Variants in SLC38A12 observed in about 807,000 individuals in gnomAD.
SLC38A12 encodes putative sodium-coupled neutral amino acid transporter 12.
At chr17:74,794,478 C>G in the SLC38A12 span, among the ~76,000 whole-genome samples, 9 of 152,252 alleles carry the variant, frequency 5.9e-5, no homozygotes, top group African/African-American at 2.2e-4. Context: ...CAGTCAGATT[C>G]AGAATGAGAC....
the SLC38A12 span, among the ~76,000 whole-genome samples, chr17:74,794,454 C>T: frequency 4.7e-4 from 72 of 152,332 alleles, no homozygotes; most frequent in Admixed American, 7.2e-4. Context: ...ACCAGGCCAC[C>T]GTGTGCTTGG....
chr17:74,820,622 C>T, the SLC38A12 span, among the ~76,000 whole-genome samples: 1 of 152,196 alleles, frequency 6.6e-6, no homozygotes, highest in African/African-American at 2.4e-5. Context: ...ACAAAGAAGG[C>T]TGTTGCTGTT....
chr17:74,790,947 G>A, the SLC38A12 span: 2 of 1,613,934 alleles, frequency 1.2e-6, no homozygotes, highest in Non-Finnish European at 1.7e-6. Context: ...TGTTCTTTTG[G>A]CTCTGCAGAG....
At chr17:74,830,928 C>T in the SLC38A12 span, among the ~76,000 whole-genome samples, 2 of 152,252 alleles carry the variant, frequency 1.3e-5, no homozygotes, top group African/African-American at 4.8e-5. Context: ...TGTGAGCAGC[C>T]AGCAGCCTTG....
chr17:74,780,289 G>A, the SLC38A12 span, among the ~76,000 whole-genome samples: 3 of 152,206 alleles, frequency 2.0e-5, no homozygotes, highest in Non-Finnish European at 2.9e-5. Flanking sequence ...CCCCATGCAG[G>A]TCATGAGTGA....
the SLC38A12 span, among the ~76,000 whole-genome samples, chr17:74,790,009 A>G: frequency 1.4e-5 from 2 of 144,924 alleles, no homozygotes; most frequent in Non-Finnish European, 3.0e-5. Flanking sequence ...GCTGGAGTGC[A>G]GTGTTGCAAT....
At chr17:74,834,060 G>C in the SLC38A12 span, among the ~76,000 whole-genome samples, 1 of 151,998 alleles carries the variant, frequency 6.6e-6, no homozygotes, top group Non-Finnish European at 1.5e-5. Context: ...TGCACATCCT[G>C]CCCTGACACA....
chr17:74,810,428 G>T, the SLC38A12 span, among the ~76,000 whole-genome samples: 1 of 152,230 alleles, frequency 6.6e-6, no homozygotes, highest in Non-Finnish European at 1.5e-5. Context: ...ATGCTAACTT[G>T]TTCAAAAAGT....
the SLC38A12 span, chr17:74,838,296 C>G: frequency 1.0e-6 from 1 of 985,998 alleles, no homozygotes; most frequent in East Asian, 1.1e-4. Flanking sequence ...CGACTTCCTC[C>G]CAGGAGGCCT....
chr17:74,836,045 C>A, the SLC38A12 span: 1 of 1,613,288 alleles, frequency 6.2e-7, no homozygotes, highest in Non-Finnish European at 8.5e-7. This position sits in a 1 kb window ranked among gnomAD's most constrained non-coding sequence, Gnocchi z 4.2. Flanking sequence ...GCGTCTACTC[C>A]TTCATGTGCC....
At chr17:74,838,750 G>T in the SLC38A12 span, 1 of 1,459,720 alleles carries the variant, frequency 6.9e-7, no homozygotes, top group Non-Finnish European at 9.0e-7. Context: ...ATGGGGCTTG[G>T]GGCCAGGGGC....
the SLC38A12 span, chr17:74,785,434 A>C: frequency 6.3e-7 from 1 of 1,591,024 alleles, no homozygotes; most frequent in Non-Finnish European, 8.6e-7. Context: ...TGTTAAGGGG[A>C]GAAGTTGATT....
chr17:74,821,108 T>G, the SLC38A12 span, among the ~76,000 whole-genome samples: 1 of 152,222 alleles, frequency 6.6e-6, no homozygotes, highest in African/African-American at 2.4e-5. Flanking sequence ...AGGCTCCCAC[T>G]CCACTCTGAG....
the SLC38A12 span, chr17:74,795,217 C>T: frequency 4.2e-6 from 4 of 943,406 alleles, no homozygotes; most frequent in Non-Finnish European, 6.8e-6. Flanking sequence ...GAGTTCATTG[C>T]ATCTAGGGAA....
chr17:74,824,283 G>A, the SLC38A12 span, among the ~76,000 whole-genome samples: 1 of 152,162 alleles, frequency 6.6e-6, no homozygotes, highest in Non-Finnish European at 1.5e-5. Context: ...AGAATGAAAG[G>A]CAGGCTCATC....
the SLC38A12 span, among the ~76,000 whole-genome samples, chr17:74,824,040 G>A: frequency 3.3e-5 from 5 of 152,222 alleles, no homozygotes; most frequent in Non-Finnish European, 7.4e-5. Context: ...GTGGCCTCAA[G>A]ATGAGCCTCT....
chr17:74,813,379 T>C, the SLC38A12 span, among the ~76,000 whole-genome samples: 5 of 152,360 alleles, frequency 3.3e-5, no homozygotes, highest in East Asian at 1.9e-4. Flanking sequence ...GTCCCATGGG[T>C]TAGTTTTGGC....
At chr17:74,820,384 CTG>C in the SLC38A12 span, among the ~76,000 whole-genome samples, 8 of 152,268 alleles carry the variant, frequency 5.3e-5, no homozygotes, top group Non-Finnish European at 1.2e-4. Flanking sequence ...CCAACGGACA[CTG>C]TGCTGAGCAT....
chr17:74,838,036 G>A, the SLC38A12 span: 57 of 985,750 alleles, frequency 5.8e-5, no homozygotes, highest in African/African-American at 2.4e-4. Context: ...CTGACAGAGC[G>A]ACGATGTAGG....
Sources: gnomAD v4.1 joint callset for allele counts (sites outside exome capture counted in the v4.1 genomes callset) on GRCh38, gnomAD v4.1.1 for gene constraint, Gnocchi (gnomAD v3.1) non-coding constraint, MANE v1.5 for transcripts, NCBI Gene and HGNC (gene_info 2026-07-23, HGNC 2026-07-21) for gene names.